The following KPNA4 variants were observed in gnomAD, a reference collection of about 807,000 sequenced individuals.
KPNA4 encodes the protein importin subunit alpha-3.
KPNA4 carries 13 observed loss-of-function variants against 71.3 expected under a neutral mutation model. That is an observed-to-expected ratio of 0.18 (90% CI 0.12 to 0.29). The LOEUF is 0.29. Ranked by LOEUF, KPNA4 falls within the 10% of genes least tolerant of loss-of-function variation. KPNA4 has a pLI of 1.00. For missense variants in KPNA4, 334 were observed against 603.2 expected (o/e 0.55, Z 4.67); for synonymous variants, 189 against 195.2 (o/e 0.97, Z 0.26).
chr3:160,565,348 C>A lies in KPNA4; in HGVS notation c.-66G>T. The A allele has an allele frequency of 1.5e-6, 2 of 1,338,870 alleles. No homozygotes were observed. Among genetic ancestry groups the A allele is most frequent in the Admixed American group, 4.0e-5 (2 of 50,242 alleles). 82.9% of individuals were successfully genotyped at this position (1,338,870 alleles called of 1,614,324 possible). A position where few individuals can be genotyped will look rare whatever the true frequency, so the allele number is the denominator to read the frequency against. On this transcript the variant is annotated 5_prime_UTR_variant, in exon 1 of 17. Transcript: ENST00000334256. ...GATCCGCCCCAACCAACGCGCCGCA[C>A]CGACACTCCCAGGAACCGGGCCGCC...
rs1720885445 is a variant in KPNA4, at chr3:160,501,674, T to C, written c.*430A>G. On this transcript the variant is annotated 3_prime_UTR_variant, in exon 17 of 17. Coordinates refer to ENST00000334256, the MANE Select transcript of KPNA4 (RefSeq NM_002268.5). ...TGCTTCATAGCAAGGCCTGGGCTCA[T>C]TTTCCTTTGACTTATATGGGCAGCC... The C allele has an allele frequency of 6.6e-6, 1 of 152,666 alleles. No homozygotes were observed. Among genetic ancestry groups the C allele is most frequent in the Admixed American group, 6.5e-5 (1 of 15,280 alleles). 9.5% of individuals were successfully genotyped at this position (152,666 alleles called of 1,614,324 possible). A position where few individuals can be genotyped will look rare whatever the true frequency, so the allele number is the denominator to read the frequency against.
intron 1 of KPNA4, among the ~76,000 whole-genome samples, chr3:160,562,130 G>T (rs1722256511): frequency 2.0e-5 from 3 of 152,078 alleles, no homozygotes; most frequent in African/African-American, 7.2e-5. Flanking sequence ...GCTATACTCT[G>T]TACATGGGCT....
chr3:160,547,918 A>G (rs974131463), intron 1 of KPNA4, among the ~76,000 whole-genome samples: 3 of 152,210 alleles, frequency 2.0e-5, no homozygotes, highest in Non-Finnish European at 4.4e-5. Context: ...ACTGACTAAT[A>G]TGCCATTGTC....
chr3:160,553,077 G>C (rs1350333137), intron 1 of KPNA4, among the ~76,000 whole-genome samples: 3 of 152,194 alleles, frequency 2.0e-5, no homozygotes, highest in African/African-American at 7.2e-5. Flanking sequence ...CTGGAGATGA[G>C]ACAATAATGC....
intron 1 of KPNA4, among the ~76,000 whole-genome samples, chr3:160,537,908 A>G (rs541165366): frequency 6.6e-6 from 1 of 151,876 alleles, no homozygotes; most frequent in Non-Finnish European, 1.5e-5. Flanking sequence ...TCTCTCAACT[A>G]GATAACTGTG....
intron 1 of KPNA4, among the ~76,000 whole-genome samples, chr3:160,561,384 T>A (rs1722243050): frequency 6.6e-6 from 1 of 152,090 alleles, no homozygotes; most frequent in East Asian, 1.9e-4. Flanking sequence ...TTGCACTGTA[T>A]ATACCCTCTT....
At chr3:160,547,768 T>G (rs1026443905) in intron 1 of KPNA4, among the ~76,000 whole-genome samples, 1 of 152,230 alleles carries the variant, frequency 6.6e-6, no homozygotes, top group African/African-American at 2.4e-5. Flanking sequence ...TTACTGTCTC[T>G]ATAGTTTTGC....
Position 160,535,800 on chromosome 3 carries a change from T to C in KPNA4, c.204+8A>G. 1 of 1,552,442 alleles carries C rather than the reference T, an allele frequency of 6.4e-7. No individual in the cohort carries two copies. Among genetic ancestry groups the C allele is most frequent in the Middle Eastern group, 1.9e-4 (1 of 5,342 alleles). ...TAAGTTACCAGAATAACAATAACAA[T>C]GACTTACCACTCTATAATCACCATC... is the stretch of plus-strand genomic sequence containing the variant. On this transcript the variant is annotated splice_region_variant and intron_variant, in intron 3 of 16. Coordinates refer to ENST00000334256, the MANE Select transcript of KPNA4 (RefSeq NM_002268.5).
chr3:160,559,029 G>A (rs937221648), intron 1 of KPNA4, among the ~76,000 whole-genome samples: 3 of 152,024 alleles, frequency 2.0e-5, no homozygotes, highest in South Asian at 2.1e-4. Context: ...ACTTAAGGAC[G>A]ACTGTCTCAA....
intron 11 of KPNA4, among the ~76,000 whole-genome samples, chr3:160,517,962 G>A (rs962959101): frequency 6.6e-6 from 1 of 152,114 alleles, no homozygotes; most frequent in Admixed American, 6.5e-5. Context: ...ACACAAGTTT[G>A]TAAGTTTTGT....
intron 13 of KPNA4, 34 bp downstream of exon 13, chr3:160,514,043 C>G: frequency 1.6e-6 from 2 of 1,262,772 alleles, no homozygotes; most frequent in Non-Finnish European, 1.1e-6. Context: ...CCCCTTACAT[C>G]AGATAAATGA....
chr3:160,536,763 T>C (rs1721702303), intron 2 of KPNA4, 33 bp downstream of exon 2: 2 of 1,352,962 alleles, frequency 1.5e-6, no homozygotes, highest in Admixed American at 1.9e-5. Context: ...GTTAGAATTA[T>C]GCTTAGAAGT....
chr3:160,514,265 T>C (rs1223185423), intron 12 of KPNA4, 84 bp from the exon 13 acceptor site: 17 of 849,346 alleles, frequency 2.0e-5, no homozygotes, highest in Non-Finnish European at 2.8e-5. Context: ...CACTACACTG[T>C]CCCAATGATT....
chr3:160,516,775 CAA>C, intron 11 of KPNA4, among the ~76,000 whole-genome samples: 1 of 151,834 alleles, frequency 6.6e-6, no homozygotes, highest in South Asian at 2.1e-4. Flanking sequence ...CTGTCAAAAA[CAA>C]AAAGACAAAA....
Position 160,565,255 on chromosome 3 carries a change from G to T in KPNA4, c.28C>A (p.Gln10Lys). The change falls in exon 1 of 17, where the codon CAA (glutamine) becomes AAA (lysine). Residue 10 changes from glutamine to lysine, a missense_variant. By Grantham distance (53) the Gln-to-Lys change is moderately conservative (BLOSUM62 1). Coordinates refer to ENST00000334256, the MANE Select transcript of KPNA4 (RefSeq NM_002268.5). Reference sequence around the variant, plus strand: ...TTGTTCTTGAAATTCTTGAGCCGTTGGTTGTCCAGTTTCTCGTTGTCCGCC... The same window carrying T: ...TTGTTCTTGAAATTCTTGAGCCGTTTGTTGTCCAGTTTCTCGTTGTCCGCC... MADNEKLDN[Q>K]RLKNFKNKGR... The T allele has an allele frequency of 6.2e-7, 1 of 1,609,662 alleles. No individual in the cohort carries two copies. The highest frequency in any genetic ancestry group is 8.5e-7 in the Non-Finnish European group (1 of 1,178,012).
intron 13 of KPNA4, among the ~76,000 whole-genome samples, chr3:160,511,780 T>A (rs968081650): frequency 6.6e-6 from 1 of 150,942 alleles, no homozygotes; most frequent in Non-Finnish European, 1.5e-5. Flanking sequence ...GAGTTTTTTA[T>A]GGTCTTTAGG....
chr3:160,531,482 A>G lies in KPNA4; in HGVS notation c.363T>C (p.His121=). The change falls in exon 6 of 17, where the codon CAT becomes CAC. Residue 121 remains histidine, a synonymous_variant. Coordinates refer to ENST00000334256, the MANE Select transcript of KPNA4 (RefSeq NM_002268.5). ...CTCACTTGTCATCTCTTTCAAGACA[A>G]TGGACTAAAATGGGCAATATTCCAG... The part of the protein sequence containing the change: ...IKSGILPILV[H]CLERDDNPSL... 2 of 1,571,840 alleles carry G rather than the reference A, an allele frequency of 1.3e-6. No individual in the cohort carries two copies. Among genetic ancestry groups the G allele is most frequent in the Non-Finnish European group, 1.7e-6 (2 of 1,158,030 alleles).
intron 1 of KPNA4, among the ~76,000 whole-genome samples, chr3:160,562,723 C>T (rs961963351): frequency 3.9e-5 from 6 of 152,176 alleles, no homozygotes; most frequent in African/African-American, 1.4e-4. Context: ...AATATTCCTA[C>T]CCCTAATGTA....
chr3:160,541,514 T>C (rs1309301440), intron 1 of KPNA4, among the ~76,000 whole-genome samples: 1 of 152,098 alleles, frequency 6.6e-6, no homozygotes, highest in Non-Finnish European at 1.5e-5. Flanking sequence ...GTGTGGTGAC[T>C]AGGATATATT....
Sources: allele counts gnomAD v4.1 joint callset (sites outside exome capture counted in the v4.1 genomes callset), GRCh38; gene constraint gnomAD v4.1.1; transcripts MANE v1.5; gene names NCBI Gene and HGNC (gene_info 2026-07-23, HGNC 2026-07-21).